Variants in NELL1 observed in about 807,000 individuals in gnomAD.
NELL1 encodes the protein protein kinase C-binding protein NELL1.
Under a neutral mutation model 107.4 loss-of-function variants are expected in NELL1, and 76 were observed. The ratio of observed to expected loss-of-function variants is 0.71; its 90% CI spans 0.59 to 0.86. The LOEUF is 0.86. Ranked by LOEUF, NELL1 falls within the 40% of genes least tolerant of loss-of-function variation. NELL1 has a pLI of 0.00. For synonymous variants in NELL1, 353 were observed against 341.2 expected (o/e 1.03, Z -0.38); for missense variants, 1,024 against 1,005.5 (o/e 1.02, Z -0.25).
intron 15 of NELL1, among the ~76,000 whole-genome samples, chr11:21,400,331 A>G (rs1271420702): frequency 6.6e-6 from 1 of 151,872 alleles, no homozygotes; most frequent in Non-Finnish European, 1.5e-5. Flanking sequence ...ATTTTATTAA[A>G]TGTTTATAAT....
chr11:20,732,817 G>A (rs1443880473), intron 2 of NELL1, among the ~76,000 whole-genome samples: 1 of 152,132 alleles, frequency 6.6e-6, no homozygotes, highest in Admixed American at 6.5e-5. Flanking sequence ...CGGCGGGGAG[G>A]CATGGGCTTT....
At chr11:21,125,582 A>G (rs555453669) in intron 13 of NELL1, among the ~76,000 whole-genome samples, 3 of 152,336 alleles carry the variant, frequency 2.0e-5, no homozygotes, top group South Asian at 4.1e-4. Flanking sequence ...TTTATCAGGC[A>G]TATAACTGAG....
At chr11:20,710,805 G>A (rs890703349) in intron 2 of NELL1, among the ~76,000 whole-genome samples, 3 of 151,808 alleles carry the variant, frequency 2.0e-5, no homozygotes, top group Admixed American at 6.6e-5. Context: ...TTTCTAGTTT[G>A]TGTGAGCAAA....
chr11:20,826,655 G>A (rs946491793), intron 3 of NELL1, among the ~76,000 whole-genome samples: 2 of 151,020 alleles, frequency 1.3e-5, no homozygotes, highest in Admixed American at 6.7e-5. Context: ...ACCGGCTGGG[G>A]GATTGACACC....
In NELL1 at chr11:20,999,930, C is replaced by A. The variant is rs1021485006; in HGVS notation, c.1300+39370C>A. Among the ~76,000 whole-genome samples, 46 of 152,162 alleles carry A rather than the reference C, an allele frequency of 3.0e-4. 1 individual carries two copies. The highest frequency in any genetic ancestry group is 2.6e-3 in the Admixed American group (39 of 15,286). ...TGTAAAGGACATCGATACTCCAGAG[C>A]ATGTTTGCTAATTATATTTGATTAG... On this transcript the variant is annotated intron_variant, in intron 12 of 19. Coordinates refer to ENST00000357134, the MANE Select transcript of NELL1 (RefSeq NM_006157.5).
intron 14 of NELL1, among the ~76,000 whole-genome samples, chr11:21,230,828 C>A (rs1858028883): frequency 6.6e-6 from 1 of 151,622 alleles, no homozygotes; most frequent in Non-Finnish European, 1.5e-5. Context: ...TTTTTAACAG[C>A]AATTTGACAA....
chr11:20,775,975 T>C (rs1856742047), intron 2 of NELL1, among the ~76,000 whole-genome samples: 1 of 152,240 alleles, frequency 6.6e-6, no homozygotes, highest in South Asian at 2.1e-4. Context: ...TATTTGTGTG[T>C]ATTTGGTAAA....
rs1437523206 is a variant in NELL1 at position 21,028,228 on chromosome 11, C to G, written c.1300+67668C>G. 2.6e-5 allele frequency among the ~76,000 whole-genome samples: 4 copies of G among 152,028 alleles called. No homozygotes were observed. The East Asian group carries it at 7.7e-4, about 29-fold the overall frequency. On this transcript the variant is annotated intron_variant, in intron 12 of 19. Coordinates refer to ENST00000357134, the MANE Select transcript of NELL1 (RefSeq NM_006157.5). The stretch of plus-strand genomic sequence containing the variant: ...CTTGGATATTTTAATTTAATTAGTC[C>G]AGAGAAAATAGCACATCAGCATTTT...
intron 2 of NELL1, among the ~76,000 whole-genome samples, chr11:20,729,733 C>T (rs1385562537): frequency 1.3e-5 from 2 of 152,112 alleles, no homozygotes; most frequent in Non-Finnish European, 2.9e-5. Flanking sequence ...ATATCTAGTG[C>T]TGGGCAGGTA....
At chr11:20,905,760 G>GA (rs766143033) in intron 5 of NELL1, among the ~76,000 whole-genome samples, 1 of 151,956 alleles carries the variant, frequency 6.6e-6, no homozygotes, top group Non-Finnish European at 1.5e-5. Context: ...AATGAATAAA[G>GA]AAAAATGAAC....
At position 21,573,295 on chromosome 11, in the gene NELL1, T is replaced by G; in HGVS notation, c.2268T>G (p.Ala756=). 1 of 1,612,594 alleles carries G rather than the reference T, an allele frequency of 6.2e-7. No homozygotes were observed. Among genetic ancestry groups the G allele is most frequent in the Admixed American group, 1.7e-5 (1 of 59,862 alleles). ...GCTGTGTCAGTGACCCCTGCCTAGC[T>G]GATAACATCACCTATGACATCAGAA... ...CPRCVSDPCL[A]DNITYDIRKT... The change falls in exon 19 of 20, where the codon GCT becomes GCG. Residue 756 remains alanine (A), a synonymous_variant. Coordinates refer to ENST00000357134, the MANE Select transcript of NELL1 (RefSeq NM_006157.5).
Position 21,372,571 on chromosome 11 carries a change from T to G in NELL1, c.1645+1623T>G, listed in dbSNP as rs551372730. On this transcript the variant is annotated intron_variant, in intron 15 of 19. Transcript: ENST00000357134. ...ATTAGAACTGAGAATAAAACACAGT[T>G]GTATCTCACAAAGCCTGTGTTATCA... 4.6e-5 allele frequency among the ~76,000 whole-genome samples: 7 copies of G among 152,102 alleles called. No homozygotes were observed. In the East Asian group the frequency reaches 1.2e-3, roughly 25 times the overall value.
chr11:21,017,747 T>G (rs1292310904), intron 12 of NELL1, among the ~76,000 whole-genome samples: 1 of 152,126 alleles, frequency 6.6e-6, no homozygotes, highest in Non-Finnish European at 1.5e-5. Flanking sequence ...TATCCATTCC[T>G]TATTTTATTA....
chr11:21,268,498 C>T (rs1006188392), intron 14 of NELL1, among the ~76,000 whole-genome samples: 1 of 152,128 alleles, frequency 6.6e-6, no homozygotes, highest in Non-Finnish European at 1.5e-5. Context: ...CTCCAGCCAC[C>T]TCCTAGCCTT....
intron 14 of NELL1, among the ~76,000 whole-genome samples, chr11:21,318,123 C>T (rs1849921682): frequency 6.6e-6 from 1 of 152,148 alleles, no homozygotes; most frequent in Non-Finnish European, 1.5e-5. Flanking sequence ...TTACCCTCTA[C>T]AGCCTATAAG....
chr11:21,337,570 G>T (rs148126386), intron 14 of NELL1, among the ~76,000 whole-genome samples: 1 of 152,334 alleles, frequency 6.6e-6, no homozygotes, highest in Non-Finnish European at 1.5e-5. Context: ...CCATTGGCTA[G>T]AATTAGTCAC....
At chr11:21,082,670 T>C (rs1437278029) in intron 12 of NELL1, among the ~76,000 whole-genome samples, 1 of 152,192 alleles carries the variant, frequency 6.6e-6, no homozygotes, top group Non-Finnish European at 1.5e-5. Flanking sequence ...ATGCTATTTT[T>C]TCTCAGACTT....
chr11:21,240,326 C>T (rs1858320157), intron 14 of NELL1, among the ~76,000 whole-genome samples: 1 of 151,946 alleles, frequency 6.6e-6, no homozygotes, highest in African/African-American at 2.4e-5. Context: ...CATAAAAATG[C>T]TTACCAACAA....
chr11:20,754,157 G>A (rs1333733192), intron 2 of NELL1, among the ~76,000 whole-genome samples: 1 of 152,112 alleles, frequency 6.6e-6, no homozygotes, highest in East Asian at 1.9e-4. Context: ...CCAAAAAAGA[G>A]GGAGTACATG....
Sources: allele counts gnomAD v4.1 joint callset (sites outside exome capture counted in the v4.1 genomes callset), GRCh38; gene constraint gnomAD v4.1.1; transcripts MANE v1.5; gene names NCBI Gene and HGNC (gene_info 2026-07-23, HGNC 2026-07-21).